The following ATRX variants were observed in gnomAD, a reference collection of about 807,000 sequenced individuals.
The protein encoded by ATRX is ATRX chromatin remodeler, also known as chromatin remodeler ATRX.
ATRX carries 12 observed loss-of-function variants against 172.6 expected under a neutral mutation model. The observed-to-expected ratio is 0.07, with a 90% CI of 0.04 to 0.11. ATRX has a LOEUF of 0.11. ATRX is among the 10% of genes least tolerant of loss of function. The pLI is 1.00. For missense variants in ATRX, 1,368 were observed against 1,767.4 expected (o/e 0.77, Z 4.05); for synonymous variants, 674 against 594.7 (o/e 1.13, Z -1.94).
At chrX:77,542,077 A>C (rs1192940045) in intron 30 of ATRX, among the ~76,000 whole-genome samples, 17 of 112,102 alleles carry the variant, frequency 1.5e-4, no homozygotes, top group African/African-American at 4.9e-4. Flanking sequence ...CCATCGCCTC[A>C]GCCCAAAATC....
In ATRX at chrX:77,698,827, T is replaced by A. The variant is rs1408146083; in HGVS notation, c.134-198A>T. 11 of 449,781 alleles carry A rather than the reference T, an allele frequency of 2.4e-5. No homozygotes were observed. The African/African-American group carries it at 2.7e-4, about 11-fold the overall frequency. 37.1% of individuals were successfully genotyped at this position (449,781 alleles called of 1,213,427 possible). A position where few individuals can be genotyped will look rare whatever the true frequency, so the allele number is the denominator to read the frequency against. ...CCTTTTGCATACTAACCCCTCCTTA[T>A]AAAGCATGAAATCTCTGTAAAGATT... On this transcript the variant is annotated intron_variant, in intron 2 of 34. Transcript: ENST00000373344.
Position 77,508,201 on chromosome X carries a change from TAAAA to T in ATRX, c.*146_*149del. On this transcript the variant is annotated 3_prime_UTR_variant, in exon 35 of 35. Transcript: ENST00000373344. The stretch of plus-strand genomic sequence containing the variant: ...TCAGGAAGAAATGGTATGCCCTATT[TAAAA>T]AAAAAAAAAGTAAAACTAATATGGA... 1 of 550,821 alleles carries T rather than the reference TAAAA, an allele frequency of 1.8e-6. No individual in the cohort carries two copies. Among genetic ancestry groups the T allele is most frequent in the Non-Finnish European group, 2.7e-6 (1 of 376,892 alleles). 45.4% of individuals were successfully genotyped at this position (550,821 alleles called of 1,213,427 possible). A position where few individuals can be genotyped will look rare whatever the true frequency, so the allele number is the denominator to read the frequency against.
At chrX:77,558,397 G>T (rs1213931822) in intron 29 of ATRX, among the ~76,000 whole-genome samples, 1 of 111,543 alleles carries the variant, frequency 9.0e-6, no homozygotes, top group African/African-American at 3.2e-5. Context: ...AGATTTGGAG[G>T]CAGGCTGAGA....
At position 77,786,021 on chromosome X, in the gene ATRX, GT is replaced by G. The variant is rs1557207687; in HGVS notation, c.-21del. 8.4e-7 allele frequency: 1 copy of G among 1,189,439 alleles called. No homozygotes were observed. The highest frequency in any genetic ancestry group is 1.9e-5 in the South Asian group (1 of 54,044). On this transcript the variant is annotated 5_prime_UTR_variant, in exon 1 of 35. Transcript: ENST00000373344. ...GGTCATGTTTTCGCTTGAACGCCTT[GT>G]CGGCTTCTGTGATTGCTGGGCGCCG...
At chrX:77,684,804 G>A (rs1603227283) in intron 8 of ATRX, 135 bp downstream of exon 8, 1 of 772,644 alleles carries the variant, frequency 1.3e-6, no homozygotes, top group South Asian at 2.4e-5. Flanking sequence ...TAAATCCAGG[G>A]TTTTATGGAA....
intron 1 of ATRX, among the ~76,000 whole-genome samples, chrX:77,742,860 T>G (rs201130913): frequency 1.8e-5 from 2 of 111,790 alleles, no homozygotes; most frequent in East Asian, 5.6e-4. Context: ...AAGAACTGTT[T>G]CAGGGAGGGA....
At chrX:77,653,464 T>C (rs1557118334) in intron 14 of ATRX, among the ~76,000 whole-genome samples, 1 of 111,668 alleles carries the variant, frequency 9.0e-6, no homozygotes, top group Non-Finnish European at 1.9e-5. Context: ...AAATATTGCA[T>C]GATTCAACTT....
At chrX:77,609,021 C>T in intron 22 of ATRX, among the ~76,000 whole-genome samples, 1 of 111,876 alleles carries the variant, frequency 8.9e-6, no homozygotes, top group African/African-American at 3.2e-5. Flanking sequence ...CTGAGAAATG[C>T]TAATCAAAAC....
chrX:77,735,833 T>A (rs1158200828), intron 1 of ATRX, among the ~76,000 whole-genome samples: 7 of 97,861 alleles, frequency 7.2e-5, no homozygotes, highest in Non-Finnish European at 1.4e-4. Flanking sequence ...AATAAATAAA[T>A]AAAAATAAAT....
rs782769787 is a variant in ATRX, at chrX:77,743,474, G to A, written c.21-26231C>T. Reference sequence around the variant, plus strand: ...TTGACCTGGCTGAGAAACAGTGCAGGATCCAGGTTACCAGGGGATTCCACA... The same window carrying A: ...TTGACCTGGCTGAGAAACAGTGCAGAATCCAGGTTACCAGGGGATTCCACA... On this transcript the variant is annotated intron_variant, in intron 1 of 34. Transcript: ENST00000373344. 3.6e-5 allele frequency among the ~76,000 whole-genome samples: 4 copies of A among 110,867 alleles called. No individual in the cohort carries two copies. In the South Asian group the frequency reaches 1.5e-3, roughly 43 times the overall value.
intron 2 of ATRX, 136 bp downstream of exon 2, chrX:77,716,995 G>T: frequency 3.9e-6 from 2 of 514,586 alleles, no homozygotes; most frequent in Non-Finnish European, 6.4e-6. Flanking sequence ...TATAAAGCTT[G>T]CTAATCTGTC....
At chrX:77,688,580 T>C (rs1557145280) in intron 7 of ATRX, among the ~76,000 whole-genome samples, 1 of 111,591 alleles carries the variant, frequency 9.0e-6, no homozygotes, top group African/African-American at 3.3e-5. Context: ...CACATACAGC[T>C]TTCCACTAGA....
chrX:77,628,098 T>G (rs2067953553), intron 19 of ATRX, among the ~76,000 whole-genome samples: 1 of 112,195 alleles, frequency 8.9e-6, no homozygotes, highest in African/African-American at 3.2e-5. Context: ...GAAAATTTCT[T>G]CTGTTCAAAA....
chrX:77,649,206 G>A (rs1365990191), intron 15 of ATRX, among the ~76,000 whole-genome samples: 9 of 108,927 alleles, frequency 8.3e-5, no homozygotes, highest in African/African-American at 2.0e-4. Context: ...AAGGAAGGAA[G>A]GGAGGAAGGA....
intron 34 of ATRX, among the ~76,000 whole-genome samples, chrX:77,509,369 A>G (rs1019908890): frequency 4.0e-4 from 45 of 112,454 alleles, no homozygotes; most frequent in African/African-American, 1.4e-3. Flanking sequence ...CTGGAGGCAG[A>G]GCAAGATGGC....
chrX:77,588,002 T>C (rs955835180), intron 27 of ATRX, among the ~76,000 whole-genome samples: 1 of 112,043 alleles, frequency 8.9e-6, no homozygotes, highest in Non-Finnish European at 1.9e-5. Context: ...AGATCTGGAA[T>C]AGCCACACTT....
chrX:77,702,444 AAATAAT>A (rs199824791), intron 2 of ATRX, among the ~76,000 whole-genome samples: 1 of 111,084 alleles, frequency 9.0e-6, no homozygotes, highest in East Asian at 2.8e-4. Context: ...CTATCTCAAA[AAATAAT>A]AATAATAATA....
intron 28 of ATRX, among the ~76,000 whole-genome samples, chrX:77,570,280 G>A (rs1381196669): frequency 9.2e-6 from 1 of 109,031 alleles, no homozygotes; most frequent in Non-Finnish European, 1.9e-5. Context: ...CTGATCTCAA[G>A]TGATCCTCCC....
chrX:77,525,077 A>T (rs1340924770), intron 30 of ATRX, among the ~76,000 whole-genome samples: 1 of 112,164 alleles, frequency 8.9e-6, no homozygotes, highest in African/African-American at 3.2e-5. Flanking sequence ...GTTGAAAACA[A>T]AAAACAATAA....
Sources: gnomAD v4.1 joint callset for allele counts (sites outside exome capture counted in the v4.1 genomes callset) on GRCh38, gnomAD v4.1.1 for gene constraint, MANE v1.5 for transcripts, NCBI Gene and HGNC (gene_info 2026-07-23, HGNC 2026-07-21) for gene names.